Variants in TMEM132D observed in about 807,000 individuals in gnomAD.
TMEM132D encodes mature OL transmembrane protein.
Under a neutral mutation model 62.3 loss-of-function variants are expected in TMEM132D, and 21 were observed. The ratio of observed to expected loss-of-function variants is 0.34; its 90% CI spans 0.24 to 0.49. TMEM132D has a LOEUF of 0.49. Among genes scored for constraint, TMEM132D ranks in the 20% least tolerant of loss-of-function variants. The probability of loss-of-function intolerance (pLI) is 0.99; values close to 1 mark genes in which losing one functional copy is unlikely to be tolerated. For synonymous variants in TMEM132D, 621 were observed against 575.6 expected, an observed-to-expected ratio of 1.08 and a Z score of -1.13; for missense variants, 1,346 against 1,402.8, an observed-to-expected ratio of 0.96 and a Z score of 0.65.
chr12:129,509,687 ATT>A (rs888194071), intron 3 of TMEM132D, among the ~76,000 whole-genome samples: 5 of 151,838 alleles, frequency 3.3e-5, no homozygotes, highest in African/African-American at 9.7e-5. Context: ...AATTGTTTTG[ATT>A]TTCTGATACC....
At chr12:129,753,951 G>T (rs533834415) in intron 1 of TMEM132D, among the ~76,000 whole-genome samples, 3 of 152,082 alleles carry the variant, frequency 2.0e-5, no homozygotes, top group South Asian at 2.1e-4. Flanking sequence ...ACCTCCAGCC[G>T]TCAAATTCCC....
intron 5 of TMEM132D, among the ~76,000 whole-genome samples, chr12:129,108,819 A>T (rs1875586747): frequency 6.6e-6 from 1 of 152,186 alleles, no homozygotes; most frequent in East Asian, 1.9e-4. Flanking sequence ...GAGAAAGATA[A>T]ATTGTACAGT....
At chr12:129,577,320 T>G (rs1228254616) in intron 2 of TMEM132D, among the ~76,000 whole-genome samples, 1 of 151,628 alleles carries the variant, frequency 6.6e-6, no homozygotes, top group Non-Finnish European at 1.5e-5. Flanking sequence ...TATGCTGCAG[T>G]TAACTTTATG....
intron 3 of TMEM132D, among the ~76,000 whole-genome samples, chr12:129,512,489 G>A (rs1171452257): frequency 6.6e-6 from 1 of 152,172 alleles, no homozygotes; most frequent in Non-Finnish European, 1.5e-5. Flanking sequence ...TTGAACATTG[G>A]TGACATCTTC....
intron 2 of TMEM132D, among the ~76,000 whole-genome samples, chr12:129,680,696 G>A (rs567272540): frequency 1.3e-4 from 20 of 152,252 alleles, no homozygotes; most frequent in East Asian, 1.2e-3. Context: ...CTTTAGTATC[G>A]GTAAGTAGTT....
At chr12:129,328,884 C>G (rs1238059073) in intron 4 of TMEM132D, among the ~76,000 whole-genome samples, 1 of 151,898 alleles carries the variant, frequency 6.6e-6, no homozygotes, top group Non-Finnish European at 1.5e-5. Flanking sequence ...ATTCTTCCAA[C>G]TCTGTGTGGC....
intron 4 of TMEM132D, among the ~76,000 whole-genome samples, chr12:129,276,108 T>G (rs1000350511): frequency 2.0e-5 from 3 of 152,168 alleles, no homozygotes; most frequent in Non-Finnish European, 4.4e-5. Flanking sequence ...GATAGCCAGG[T>G]TCTTCCCCCA....
At chr12:129,148,071 A>G (rs1400225305) in intron 5 of TMEM132D, among the ~76,000 whole-genome samples, 1 of 152,146 alleles carries the variant, frequency 6.6e-6, no homozygotes, top group Non-Finnish European at 1.5e-5. Flanking sequence ...CCAGGCTACC[A>G]TAATAGTAAT....
chr12:129,495,536 A>T (rs1874924477), intron 3 of TMEM132D, among the ~76,000 whole-genome samples: 1 of 152,150 alleles, frequency 6.6e-6, no homozygotes. Context: ...ACCTACTAAA[A>T]GCATGAGCTA....
At chr12:129,127,448 G>A (rs1031567572) in intron 5 of TMEM132D, among the ~76,000 whole-genome samples, 1 of 152,030 alleles carries the variant, frequency 6.6e-6, no homozygotes, top group African/African-American at 2.4e-5. Flanking sequence ...CTTCCGGCAG[G>A]TCCAGAAGGT....
chr12:129,531,259 A>G (rs1344817385), intron 2 of TMEM132D, 54 bp from the exon 3 acceptor site: 9 of 1,535,716 alleles, frequency 5.9e-6, no homozygotes, highest in East Asian at 4.5e-5. Context: ...TCCCCGGGTC[A>G]TGCTGGTTCT....
At chr12:129,524,927 C>T (rs10082923) in intron 3 of TMEM132D, among the ~76,000 whole-genome samples, 34,526 of 86,038 alleles carry the variant, frequency 0.4, 8,001 homozygotes, top group African/African-American at 0.61. Flanking sequence ...TTTCTTTTTT[C>T]TTTTTTTTTT....
intron 1 of TMEM132D, among the ~76,000 whole-genome samples, chr12:129,855,112 CGGG>C (rs1873687037): frequency 7.7e-6 from 1 of 130,132 alleles, no homozygotes; most frequent in Admixed American, 7.4e-5. Context: ...TCCGGGGGAA[CGGG>C]ATGGCTGCCC....
At chr12:129,659,910 T>C (rs1880192733) in intron 2 of TMEM132D, among the ~76,000 whole-genome samples, 1 of 152,172 alleles carries the variant, frequency 6.6e-6, no homozygotes, top group African/African-American at 2.4e-5. Context: ...TAAGTGCACC[T>C]GAGAGTTATG....
rs139220744 is a variant in TMEM132D at position 129,277,470 on chromosome 12, C to G, written c.1299+60164G>C. On this transcript the variant is annotated intron_variant, in intron 4 of 8. Coordinates refer to ENST00000422113, the MANE Select transcript of TMEM132D (RefSeq NM_133448.3). This position sits in a 1 kb window ranked among gnomAD's most constrained non-coding sequence, Gnocchi z 4.2. ...GGCTGTCCAGTTTTGAATGCTTGTA[C>G]AAATGATTTTTAAAATTCTTTATCC... 1.1e-3 allele frequency among the ~76,000 whole-genome samples: 164 copies of G among 152,272 alleles called. 2 individuals are homozygous for G. Among genetic ancestry groups the G allele is most frequent in the African/African-American group, 3.8e-3 (157 of 41,564 alleles).
intron 3 of TMEM132D, among the ~76,000 whole-genome samples, chr12:129,466,626 CTT>C (rs1457402071): frequency 6.6e-6 from 1 of 152,130 alleles, no homozygotes; most frequent in Non-Finnish European, 1.5e-5. Context: ...TTAACACACA[CTT>C]ATTAGGTACA....
chr12:129,849,262 T>G (rs964732926), intron 1 of TMEM132D, among the ~76,000 whole-genome samples: 2 of 152,200 alleles, frequency 1.3e-5, no homozygotes, highest in African/African-American at 4.8e-5. Flanking sequence ...CATCTCTATA[T>G]ATAAATACGC....
At chr12:129,758,626 C>T (rs11831917) in intron 1 of TMEM132D, among the ~76,000 whole-genome samples, 11,981 of 152,146 alleles carry the variant, frequency 0.079, 784 homozygotes, top group African/African-American at 0.17. Flanking sequence ...TAACACATAT[C>T]ATAGGTAGTG....
chr12:129,555,905 C>T (rs1225490193), intron 2 of TMEM132D, among the ~76,000 whole-genome samples: 1 of 152,158 alleles, frequency 6.6e-6, no homozygotes, highest in Non-Finnish European at 1.5e-5. Flanking sequence ...GTCTGTGTCT[C>T]TCTCTGTAGA....
Sources: allele counts gnomAD v4.1 joint callset (sites outside exome capture counted in the v4.1 genomes callset), GRCh38; gene constraint gnomAD v4.1.1; non-coding constraint Gnocchi (gnomAD v3.1); transcripts MANE v1.5; gene names NCBI Gene and HGNC (gene_info 2026-07-23, HGNC 2026-07-21).